Variants in ZNF653 observed in about 807,000 individuals in gnomAD.
ZNF653 encodes the protein zinc finger protein 653, also known as 67 kDa zinc finger protein.
A neutral mutation model predicts 59.9 loss-of-function variants in ZNF653; 37 were observed. That is an observed-to-expected ratio of 0.62 (90% confidence interval 0.48 to 0.81). ZNF653 has a LOEUF of 0.81. ZNF653 is among the 40% of genes least tolerant of loss of function. The pLI is 0.00. For synonymous variants in ZNF653, 435 were observed against 371.8 expected (o/e 1.17, Z -1.96); for missense variants, 808 against 881.1 (o/e 0.92, Z 1.05).
intron 1 of ZNF653, among the ~76,000 whole-genome samples, chr19:11,501,368 C>T (rs544836935): frequency 1.1e-4 from 17 of 151,870 alleles, no homozygotes; most frequent in Non-Finnish European, 2.2e-4. Context: ...TTGTAGAGAT[C>T]GAGTTTCGCC....
chr19:11,498,967 C>T (rs982507173), intron 1 of ZNF653, among the ~76,000 whole-genome samples: 4 of 152,260 alleles, frequency 2.6e-5, no homozygotes, highest in East Asian at 3.9e-4. Context: ...TCAGGTGATC[C>T]GCCCACCTCG....
intron 3 of ZNF653, among the ~76,000 whole-genome samples, chr19:11,494,851 C>T (rs1971568534): frequency 6.6e-6 from 1 of 152,184 alleles, no homozygotes; most frequent in Non-Finnish European, 1.5e-5. Flanking sequence ...GGGCTGATGA[C>T]AAGGCCATGG....
At chr19:11,486,484 T>A (rs539805287) in intron 6 of ZNF653, among the ~76,000 whole-genome samples, 1 of 152,228 alleles carries the variant, frequency 6.6e-6, no homozygotes, top group Non-Finnish European at 1.5e-5. Flanking sequence ...ATTGATTCAT[T>A]CCTTTGTTCC....
chr19:11,501,736 C>A (rs1169405096), intron 1 of ZNF653, among the ~76,000 whole-genome samples: 1 of 152,134 alleles, frequency 6.6e-6, no homozygotes, highest in Non-Finnish European at 1.5e-5. Context: ...CCTCCCTTAC[C>A]AAGGAGAGCA....
Position 11,487,298 on chromosome 19 carries a change from T to G in ZNF653, c.1165A>C (p.Lys389Gln). Residue 389 changes from lysine (K) to glutamine (Q), a missense_variant, in exon 4 of 9, where the codon AAG becomes CAG. Physicochemically the swap from Lys to Gln is moderately conservative, Grantham distance 53. Transcript: ENST00000293771. The surrounding 1 kb of genome is among the most constrained non-coding windows in gnomAD (Gnocchi z 5.1). ...CACGACAGGTCCCCCAGACCTTTCT[T>G]GGTCTCGATGCCTGCTACTGCGGTG... is the stretch of plus-strand genomic sequence containing the variant. ...DATAVAGIET[K>Q]KEKEDLCLLK... 6.2e-7 allele frequency: 1 copy of G among 1,611,096 alleles called. No homozygotes were observed. Among genetic ancestry groups the G allele is most frequent in the South Asian group, 1.1e-5 (1 of 90,910 alleles).
In ZNF653 at chr19:11,505,731, C is replaced by G; in HGVS notation, c.56G>C (p.Gly19Ala). 7 of 1,455,412 alleles carry G rather than the reference C, an allele frequency of 4.8e-6. No individual in the cohort carries two copies. The highest frequency in any genetic ancestry group is 6.3e-6 in the Non-Finnish European group (7 of 1,113,936). 90.2% of individuals were successfully genotyped at this position (1,455,412 alleles called of 1,614,324 possible). Residue 19 changes from glycine (G) to alanine (A), a missense_variant, in exon 1 of 9, where the codon GGC becomes GCC. Coordinates refer to ENST00000293771, the MANE Select transcript of ZNF653 (RefSeq NM_138783.4). ...EAEAEAEAGAGGEAAAEEGAA... is the reference protein window; with the variant it reads ...EAEAEAEAGAAGEAAAEEGAA... Reference sequence around the variant, plus strand: ...GCCCTCCTCGGCTGCTGCCTCCCCGCCCGCGCCCGCCTCAGCCTCCGCCTC... The same window carrying G: ...GCCCTCCTCGGCTGCTGCCTCCCCGGCCGCGCCCGCCTCAGCCTCCGCCTC...
chr19:11,502,097 TTTA>T (rs1457254473), intron 1 of ZNF653, among the ~76,000 whole-genome samples: 1 of 150,918 alleles, frequency 6.6e-6, no homozygotes, highest in African/African-American at 2.4e-5. Flanking sequence ...CTGGCCTATT[TTTA>T]TTTTACTTTT....
intron 1 of ZNF653, among the ~76,000 whole-genome samples, chr19:11,499,584 G>A (rs1971622984): frequency 6.9e-6 from 1 of 144,522 alleles, no homozygotes; most frequent in African/African-American, 2.6e-5. Flanking sequence ...GGGCAACATA[G>A]CAAGATCCCA....
intron 3 of ZNF653, among the ~76,000 whole-genome samples, chr19:11,490,057 C>T (rs10414243): frequency 2.0e-5 from 3 of 152,210 alleles, no homozygotes; most frequent in Admixed American, 1.3e-4. Context: ...ACAAGACCGC[C>T]GGACTTCAGA....
Position 11,487,771 on chromosome 19 carries a change from ACC to A in ZNF653, c.690_691del (p.Val231GlyfsTer16). ...CTGAGTGATGAGCCCGCTGCTGCCC[ACC>A]GGGCTGGTGGGCGTCGCTGCCGCTG... is the stretch of plus-strand genomic sequence containing the variant. On this transcript the variant is annotated frameshift_variant, in exon 4 of 9. Coordinates refer to ENST00000293771, the MANE Select transcript of ZNF653 (RefSeq NM_138783.4). LOFTEE classifies it high-confidence loss of function. This position sits in a 1 kb window ranked among gnomAD's most constrained non-coding sequence, Gnocchi z 5.1. 1 of 1,612,754 alleles carries A rather than the reference ACC, an allele frequency of 6.2e-7. No individual in the cohort carries two copies. Among genetic ancestry groups the A allele is most frequent in the Non-Finnish European group, 8.5e-7 (1 of 1,179,762 alleles).
At chr19:11,497,890 T>G (rs139361552) in intron 2 of ZNF653, among the ~76,000 whole-genome samples, 3 of 152,286 alleles carry the variant, frequency 2.0e-5, no homozygotes, top group East Asian at 3.9e-4. Context: ...CAGCTGGCCT[T>G]CACCCTGCTG....
At chr19:11,485,470 G>C (rs1971455874) in intron 7 of ZNF653, among the ~76,000 whole-genome samples, 186 bp downstream of exon 7, 1 of 152,116 alleles carries the variant, frequency 6.6e-6, no homozygotes, top group African/African-American at 2.4e-5. Flanking sequence ...TGATTGATTG[G>C]TAATAGTTCC....
At chr19:11,496,961 C>A (rs1353288681) in intron 2 of ZNF653, among the ~76,000 whole-genome samples, 1 of 152,230 alleles carries the variant, frequency 6.6e-6, no homozygotes, top group Non-Finnish European at 1.5e-5. Context: ...GCACTCCACT[C>A]CAGCCACATG....
Position 11,485,697 on chromosome 19 carries a change from T to C in ZNF653, c.1529A>G (p.Tyr510Cys). ...CPHPGCGKKF[Y>C]LSNHLRRHMI... ...GTGCCGCCGCAGGTGGTTGGATAAA[T>C]AGAACTTCTTGCCACAGCCAGGATG... Residue 510 changes from tyrosine to cysteine, a missense_variant, in exon 7 of 9, where the codon TAT (tyrosine) becomes TGT (cysteine). Coordinates refer to ENST00000293771, the MANE Select transcript of ZNF653 (RefSeq NM_138783.4). 2 of 1,614,024 alleles carry C rather than the reference T, an allele frequency of 1.2e-6. No homozygotes were observed. The highest frequency in any genetic ancestry group is 1.7e-6 in the Non-Finnish European group (2 of 1,179,964).
rs377597181 is a variant in ZNF653 at position 11,496,118 on chromosome 19, C to G, written c.391G>C (p.Glu131Gln). 199 of 1,614,034 alleles carry G rather than the reference C, an allele frequency of 1.2e-4. 1 individual carries two copies. The South Asian group carries it at 2.0e-3, about 16-fold the overall frequency. ...TACGGGCAGCGGTGCTTGTGGTCCT[C>G]GTACCAGATCACCACGTTCTTCAGG... is the stretch of plus-strand genomic sequence containing the variant. ...NCLKNVVIWY[E>Q]DHKHRCPYEP... The change falls in exon 3 of 9, where the codon GAG becomes CAG. Residue 131 changes from glutamate (E) to glutamine (Q), a missense_variant. Transcript: ENST00000293771.
chr19:11,492,398 G>A (rs1971538790), intron 3 of ZNF653, among the ~76,000 whole-genome samples: 1 of 152,026 alleles, frequency 6.6e-6, no homozygotes, highest in Admixed American at 6.6e-5. Flanking sequence ...CACCTAGGCT[G>A]GAATGCACTG....
At chr19:11,484,310 C>G (rs1201123096) in intron 7 of ZNF653, among the ~76,000 whole-genome samples, 169 bp from the exon 8 acceptor site, 2 of 151,994 alleles carry the variant, frequency 1.3e-5, no homozygotes, top group African/African-American at 4.8e-5. Context: ...CCCACAGACG[C>G]CATCAAGCAG....
chr19:11,491,463 C>A (rs1479068680), intron 3 of ZNF653, among the ~76,000 whole-genome samples: 1 of 152,232 alleles, frequency 6.6e-6, no homozygotes, highest in African/African-American at 2.4e-5. Context: ...GTCACGAGAG[C>A]TGGAGTGCGT....
chr19:11,505,803 A>G lies in ZNF653; in HGVS notation c.-17T>C. ...CTCCGCCATCCCCCCCACCCTGGTT[A>G]CCAGCCTCCCCCGTTGTTAGGAGCC... On this transcript the variant is annotated 5_prime_UTR_variant, in exon 1 of 9. Transcript: ENST00000293771. 1 of 1,271,710 alleles carries G rather than the reference A, an allele frequency of 7.9e-7. No homozygotes were observed. Among genetic ancestry groups the G allele is most frequent in the Non-Finnish European group, 9.9e-7 (1 of 1,005,144 alleles). The allele number at this position is 1,271,710 out of a possible 1,614,324, so 78.8% of individuals were successfully genotyped here.
Sources: allele counts gnomAD v4.1 joint callset (sites outside exome capture counted in the v4.1 genomes callset), GRCh38; gene constraint gnomAD v4.1.1; non-coding constraint Gnocchi (gnomAD v3.1); transcripts MANE v1.5; gene names NCBI Gene and HGNC (gene_info 2026-07-23, HGNC 2026-07-21).